Variants in CFAP54 observed in about 807,000 individuals in gnomAD.
The protein encoded by CFAP54 is cilia and flagella associated protein 54, also known as cilia- and flagella-associated protein 54.
CFAP54 carries 290 observed loss-of-function variants against 370.4 expected under a neutral mutation model. The observed-to-expected ratio is 0.78, with a 90% CI of 0.71 to 0.86. The LOEUF (loss-of-function observed/expected upper bound fraction) is 0.86, where lower values mean the gene tolerates loss of function less well. CFAP54 is among the 40% of genes least tolerant of loss of function. The pLI is 0.00. For missense variants in CFAP54, 3,399 were observed against 3,528.7 expected (o/e 0.96, Z 0.93); for synonymous variants, 1,206 against 1,236.5 (o/e 0.98, Z 0.52).
intron 50 of CFAP54, 25 bp from the exon 51 acceptor site, chr12:96,739,931 A>ATT: frequency 7.7e-7 from 1 of 1,298,228 alleles, no homozygotes. Flanking sequence ...TACTGATAAC[A>ATT]TTTAAAATAT....
intron 26 of CFAP54, among the ~76,000 whole-genome samples, chr12:96,605,041 A>G (rs1364357924): frequency 6.6e-6 from 1 of 152,216 alleles, no homozygotes; most frequent in Non-Finnish European, 1.5e-5. Flanking sequence ...AAATGCAGCA[A>G]TCACCTGTCA....
intron 9 of CFAP54, among the ~76,000 whole-genome samples, chr12:96,531,408 T>G (rs565475683): frequency 6.6e-6 from 1 of 152,168 alleles, no homozygotes; most frequent in Non-Finnish European, 1.5e-5. Flanking sequence ...GGTTTAGTAA[T>G]GCAGCAGATA....
intron 66 of CFAP54, among the ~76,000 whole-genome samples, chr12:96,856,457 C>T (rs74534285): frequency 7.0e-4 from 106 of 152,256 alleles, no homozygotes; most frequent in African/African-American, 2.4e-3. Flanking sequence ...TTTCTTTTGC[C>T]AGATACCCTT....
chr12:96,682,593 C>G (rs538134707), intron 40 of CFAP54, among the ~76,000 whole-genome samples: 50 of 152,212 alleles, frequency 3.3e-4, no homozygotes, highest in Non-Finnish European at 6.0e-4. Context: ...CCAGACTGAT[C>G]TTGAACTCTT....
chr12:96,666,340 G>T (rs369838395), intron 39 of CFAP54, among the ~76,000 whole-genome samples: 6 of 152,150 alleles, frequency 3.9e-5, no homozygotes, highest in African/African-American at 1.4e-4. Flanking sequence ...TTTAACTAGA[G>T]CACAGGAGAA....
chr12:96,766,234 T>C (rs1958400781), intron 60 of CFAP54, among the ~76,000 whole-genome samples: 1 of 152,214 alleles, frequency 6.6e-6, no homozygotes, highest in South Asian at 2.1e-4. Context: ...CCAAATTATT[T>C]TGCAAACTAT....
intron 32 of CFAP54, among the ~76,000 whole-genome samples, chr12:96,640,435 C>A (rs940755798): frequency 6.6e-6 from 1 of 152,156 alleles, no homozygotes; most frequent in Non-Finnish European, 1.5e-5. Flanking sequence ...AGGATAAAAA[C>A]CAGTGGGAGA....
intron 32 of CFAP54, among the ~76,000 whole-genome samples, chr12:96,632,944 A>T (rs923907661): frequency 1.3e-5 from 2 of 152,132 alleles, no homozygotes; most frequent in Non-Finnish European, 2.9e-5. Flanking sequence ...ACCGCGTTAT[A>T]TATCTTTTGT....
chr12:96,873,995 C>T (rs1272805302), intron 67 of CFAP54, among the ~76,000 whole-genome samples: 1 of 152,154 alleles, frequency 6.6e-6, no homozygotes, highest in Non-Finnish European at 1.5e-5. Flanking sequence ...TTTGTCTTCT[C>T]CATACTCTCA....
intron 1 of CFAP54, among the ~76,000 whole-genome samples, chr12:96,495,510 G>A (rs543515812): frequency 1.3e-3 from 198 of 149,622 alleles, no homozygotes; most frequent in African/African-American, 4.7e-3. Context: ...TAGTAGAGAC[G>A]GGATTTCGTG....
At chr12:96,734,050 T>TTTG (rs34204511) in intron 50 of CFAP54, among the ~76,000 whole-genome samples, 56,792 of 151,628 alleles carry the variant, frequency 0.37, 11,732 homozygotes, top group East Asian at 0.68. Context: ...CCATGCTATG[T>TTTG]TTGTTGTTGT....
intron 65 of CFAP54, among the ~76,000 whole-genome samples, chr12:96,823,639 A>T (rs1333705522): frequency 1.3e-5 from 2 of 152,154 alleles, no homozygotes; most frequent in African/African-American, 4.8e-5. Flanking sequence ...CTGTCTCTCC[A>T]ATTGCCCTCA....
intron 63 of CFAP54, among the ~76,000 whole-genome samples, chr12:96,802,973 C>T (rs577884343): frequency 6.6e-6 from 1 of 152,260 alleles, no homozygotes; most frequent in Admixed American, 6.5e-5. Flanking sequence ...AAATGGTTTC[C>T]AACTTCATCC....
chr12:96,642,438 A>T (rs1170931733), intron 32 of CFAP54, among the ~76,000 whole-genome samples: 2 of 152,192 alleles, frequency 1.3e-5, no homozygotes, highest in African/African-American at 4.8e-5. Context: ...ATCTAAATCT[A>T]TCTTATTGTC....
At chr12:96,507,344 A>G (rs12426045) in intron 4 of CFAP54, among the ~76,000 whole-genome samples, 20 of 152,314 alleles carry the variant, frequency 1.3e-4, no homozygotes, top group Admixed American at 1.3e-3. Context: ...GGGTGTTCAA[A>G]AAGCAGGGCC....
intron 55 of CFAP54, among the ~76,000 whole-genome samples, chr12:96,751,325 A>G (rs1323051680): frequency 2.0e-5 from 3 of 152,160 alleles, no homozygotes; most frequent in Non-Finnish European, 4.4e-5. Context: ...CTTATTATCT[A>G]GTTAGGGAGG....
intron 4 of CFAP54, among the ~76,000 whole-genome samples, chr12:96,512,036 G>A (rs1349511422): frequency 6.6e-6 from 1 of 151,770 alleles, no homozygotes; most frequent in Non-Finnish European, 1.5e-5. Flanking sequence ...TTAATTAATG[G>A]TCTGACACAA....
chr12:96,826,667 A>G, intron 65 of CFAP54, among the ~76,000 whole-genome samples: 1 of 105,792 alleles, frequency 9.5e-6, no homozygotes, highest in African/African-American at 3.8e-5. Context: ...ATTATATATA[A>G]ATATATAATA....
rs577424706 is a variant in CFAP54, at chr12:96,694,401, G to A, written c.6351+593G>A. Reference sequence around the variant, plus strand: ...CACTTTTGTTGAATTTGTTTTGTACGTGGATAATCTCAATATCCAACAAAT... The same window carrying A: ...CACTTTTGTTGAATTTGTTTTGTACATGGATAATCTCAATATCCAACAAAT... On this transcript the variant is annotated intron_variant, in intron 45 of 67. Transcript: ENST00000524981. Among the ~76,000 whole-genome samples the A allele has an allele frequency of 6.6e-5, 10 of 151,992 alleles. No homozygotes were observed. In the East Asian group the frequency reaches 1.4e-3, roughly 21 times the overall value.
Sources: gnomAD v4.1 joint callset for allele counts (sites outside exome capture counted in the v4.1 genomes callset) on GRCh38, gnomAD v4.1.1 for gene constraint, MANE v1.5 for transcripts, NCBI Gene and HGNC (gene_info 2026-07-23, HGNC 2026-07-21) for gene names.